SPATC1L: variants seen among roughly 807,000 people sequenced by gnomAD.
SPATC1L encodes spermatogenesis and centriole associated 1 like.
SPATC1L carries 20 observed loss-of-function variants against 21.2 expected under a neutral mutation model. The ratio of observed to expected loss-of-function variants is 0.94; its 90% CI spans 0.66 to 1.37. The LOEUF is 1.37. Among genes scored for constraint, SPATC1L ranks in the 40% most tolerant of loss-of-function variants. The pLI is 0.00. For synonymous variants in SPATC1L, 290 were observed against 234.5 expected (o/e 1.24, Z -2.16); for missense variants, 499 against 478.7 (o/e 1.04, Z -0.40).
Position 46,170,804 on chromosome 21 carries a change from T to C in SPATC1L, c.194-2146A>G, listed in dbSNP as rs2079582297. Among the ~76,000 whole-genome samples, 3 of 124,436 alleles carry C rather than the reference T, an allele frequency of 2.4e-5. 1 individual carries two copies. Among genetic ancestry groups the C allele is most frequent in the African/African-American group, 7.5e-5 (2 of 26,778 alleles). The allele number at this position is 124,436 out of a possible 152,430, so 81.6% of individuals were successfully genotyped here. On this transcript the variant is annotated intron_variant, in intron 2 of 4. Transcript: ENST00000291672. The stretch of plus-strand genomic sequence containing the variant: ...GTGGATGGGGAGGAGCCCTCTGCTC[T>C]CTGAACATCCTCTGTGGATGGGGAG...
intron 3 of SPATC1L, among the ~76,000 whole-genome samples, chr21:46,167,240 C>T (rs9981713): frequency 0.11 from 16,058 of 152,106 alleles, 1,488 homozygotes; most frequent in African/African-American, 0.25. Flanking sequence ...AATGGAAACA[C>T]AACACACCAA....
Position 46,168,292 on chromosome 21 carries a change from C to T in SPATC1L, c.544+16G>A. The T allele has an allele frequency of 1.3e-6, 2 of 1,538,592 alleles. No homozygotes were observed. The highest frequency in any genetic ancestry group is 1.8e-6 in the Non-Finnish European group (2 of 1,132,812). Reference sequence around the variant, plus strand: ...GCACTGGGGGCCCCCCCAGGTGCCCCCGCACCCGGCCATACCATTGAGGTA... The same window carrying T: ...GCACTGGGGGCCCCCCCAGGTGCCCTCGCACCCGGCCATACCATTGAGGTA... On this transcript the variant is annotated intron_variant, in intron 3 of 4. Coordinates refer to ENST00000291672, the MANE Select transcript of SPATC1L (RefSeq NM_001142854.2).
At chr21:46,171,435 A>G (rs2079589648) in intron 2 of SPATC1L, among the ~76,000 whole-genome samples, 1 of 152,000 alleles carries the variant, frequency 6.6e-6, no homozygotes, top group Non-Finnish European at 1.5e-5. Flanking sequence ...TCTCAAAAAA[A>G]AAAAAAAAAA....
chr21:46,179,944 G>A (rs1304020820), intron 2 of SPATC1L, among the ~76,000 whole-genome samples: 3 of 152,266 alleles, frequency 2.0e-5, no homozygotes, highest in South Asian at 2.1e-4. Flanking sequence ...CTCCTGTGAC[G>A]TGGGAACGAT....
rs1037699285 is a variant in SPATC1L at position 46,161,223 on chromosome 21, C to T, written c.*156G>A. The T allele has an allele frequency of 2.2e-5, 13 of 599,672 alleles. No homozygotes were observed. The highest frequency in any genetic ancestry group is 1.6e-4 in the Admixed American group (4 of 24,712). The allele number at this position is 599,672 out of a possible 1,614,324, so 37.1% of individuals were successfully genotyped here. On this transcript the variant is annotated 3_prime_UTR_variant, in exon 5 of 5. Transcript: ENST00000291672. ...CGCAGGTGCGGGCAGCGGCGGGCTG[C>T]GGTCGGGGCCCAGCACCGGTGGGAG...
rs1257096984 is a variant in SPATC1L, at chr21:46,168,370, A to T, written c.482T>A (p.Val161Glu). 1 of 1,606,412 alleles carries T rather than the reference A, an allele frequency of 6.2e-7. No homozygotes were observed. The highest frequency in any genetic ancestry group is 8.5e-7 in the Non-Finnish European group (1 of 1,174,370). ...EPREMVRPKK[V>E]CFSESSLPTG... is the part of the protein sequence containing the mutation. Reference sequence around the variant, plus strand: ...GGGCAGGCTGCTCTCCGAGAAACACACCTTCTTAGGCCGGACCATCTCCCT... The same window carrying T: ...GGGCAGGCTGCTCTCCGAGAAACACTCCTTCTTAGGCCGGACCATCTCCCT... The change falls in exon 3 of 5, where the codon GTG becomes GAG. Residue 161 changes from valine (V) to glutamate (E), a missense_variant. Val to Glu is a moderately radical substitution (Grantham distance 121). Coordinates refer to ENST00000291672, the MANE Select transcript of SPATC1L (RefSeq NM_001142854.2).
chr21:46,161,280 C>A lies in SPATC1L; in HGVS notation c.*99G>T, dbSNP rs1210830943. The A allele has an allele frequency of 1.7e-6, 2 of 1,201,760 alleles. No individual in the cohort carries two copies. The highest frequency in any genetic ancestry group is 5.7e-5 in the East Asian group (2 of 35,264). The allele number at this position is 1,201,760 out of a possible 1,614,324, so 74.4% of individuals were successfully genotyped here. On this transcript the variant is annotated 3_prime_UTR_variant, in exon 5 of 5. Coordinates refer to ENST00000291672, the MANE Select transcript of SPATC1L (RefSeq NM_001142854.2). The stretch of plus-strand genomic sequence containing the variant: ...CTTCTCTGGCCTCGCGCGCGGGGGA[C>A]GCGGCCCTTTCCCCTCCGGGGGGAC...
chr21:46,162,091 A>G (rs999103489), intron 3 of SPATC1L, 24 bp from the exon 4 acceptor site: 1 of 1,553,796 alleles, frequency 6.4e-7, no homozygotes, highest in Non-Finnish European at 8.7e-7. Context: ...GGCCGGGGAC[A>G]AGGTCAGGGG....
At position 46,182,770 on chromosome 21, in the gene SPATC1L, G is replaced by T. The variant is rs1053366967; in HGVS notation, c.47C>A (p.Ala16Glu). 1 of 1,547,094 alleles carries T rather than the reference G, an allele frequency of 6.5e-7. No individual in the cohort carries two copies. Among genetic ancestry groups the T allele is most frequent in the Non-Finnish European group, 8.7e-7 (1 of 1,145,916 alleles). The change falls in exon 2 of 5, where the codon GCG (alanine) becomes GAG (glutamate). Residue 16 changes from alanine to glutamate, a missense_variant. By Grantham distance (107) the Ala-to-Glu change is moderately radical. Coordinates refer to ENST00000291672, the MANE Select transcript of SPATC1L (RefSeq NM_001142854.2). ...GAGGCGCACCTGCTTCTTCAGGTCC[G>T]CGTTCTCGCTCAGGAGCCGGCTCAT... The part of the protein sequence containing the change: ...ELMSRLLSEN[A>E]DLKKQVRLLK...
intron 2 of SPATC1L, among the ~76,000 whole-genome samples, chr21:46,177,317 C>G (rs192473218): frequency 1.4e-4 from 21 of 152,244 alleles, no homozygotes; most frequent in African/African-American, 5.1e-4. Flanking sequence ...ACAGAGTAAA[C>G]AGCAAACCTA....
chr21:46,167,047 C>CA (rs1448845797), intron 3 of SPATC1L, among the ~76,000 whole-genome samples: 7 of 151,914 alleles, frequency 4.6e-5, no homozygotes, highest in Admixed American at 3.9e-4. Flanking sequence ...CTTTAAAAAT[C>CA]AAAAAAATTG....
chr21:46,163,263 T>C (rs2079516226), intron 3 of SPATC1L, among the ~76,000 whole-genome samples: 1 of 152,256 alleles, frequency 6.6e-6, no homozygotes, highest in Admixed American at 6.5e-5. Flanking sequence ...ACAAATGTTT[T>C]CTCCCATTCT....
chr21:46,168,151 C>A (rs982491926), intron 3 of SPATC1L, among the ~76,000 whole-genome samples, 157 bp downstream of exon 3: 1 of 152,178 alleles, frequency 6.6e-6, no homozygotes, highest in Admixed American at 6.5e-5. Context: ...CTAGGACAGA[C>A]ACAGCCTTGG....
In SPATC1L at chr21:46,161,532, G is replaced by C. The variant is rs779045549; in HGVS notation, c.870C>G (p.Asp290Glu). ...NTYGILKQRP[D>E]LRANPLHSSP... ...TGCTGTGCAGGGGGTTGGCGCGCAG[G>C]TCGGGCCGCTGCTTCAGGATTCCGT... Residue 290 changes from aspartate (D) to glutamate (E), a missense_variant, in exon 5 of 5, where the codon GAC becomes GAG. Coordinates refer to ENST00000291672, the MANE Select transcript of SPATC1L (RefSeq NM_001142854.2). The C allele has an allele frequency of 1.2e-6, 2 of 1,610,450 alleles. No individual in the cohort carries two copies. The highest frequency in any genetic ancestry group is 1.7e-5 in the Admixed American group (1 of 59,808).
In SPATC1L at chr21:46,175,764, TC is replaced by T. The variant is rs1427573009; in HGVS notation, c.193+6859del. Among the ~76,000 whole-genome samples the T allele has an allele frequency of 2.6e-5, 4 of 152,134 alleles. No individual in the cohort carries two copies. In the East Asian group the frequency reaches 7.7e-4, roughly 29 times the overall value. ...CTGGTACCATTCCTGGTGAAACTAT[TC>T]CAAAAAGTTGAGGAGGAGAGTCTCC... On this transcript the variant is annotated intron_variant, in intron 2 of 4. Coordinates refer to ENST00000291672, the MANE Select transcript of SPATC1L (RefSeq NM_001142854.2).
At chr21:46,167,157 A>T (rs928296191) in intron 3 of SPATC1L, among the ~76,000 whole-genome samples, 2 of 152,254 alleles carry the variant, frequency 1.3e-5, no homozygotes, top group Admixed American at 6.5e-5. Flanking sequence ...ATTAAACAAT[A>T]CGCTCCTGGA....
intron 3 of SPATC1L, among the ~76,000 whole-genome samples, chr21:46,163,706 G>A (rs908106601): frequency 1.2e-4 from 18 of 152,132 alleles, no homozygotes; most frequent in African/African-American, 4.1e-4. Context: ...TATGTCCATC[G>A]TTATGGCAGT....
chr21:46,168,595 AG>A lies in SPATC1L; in HGVS notation c.256del (p.Leu86TrpfsTer52). On this transcript the variant is annotated frameshift_variant, in exon 3 of 5. Transcript: ENST00000291672. LOFTEE classifies it high-confidence loss of function. ...DTPSQLQTSS[L>X]EDLLCSHAPL... ...GGCATGTGAGCACAGCAGGTCCTCC[AG>A]GGAGGATGTCTGCAGTTGGGAGGGC... 7.0e-7 allele frequency: 1 copy of A among 1,426,442 alleles called. No individual in the cohort carries two copies. Among genetic ancestry groups the A allele is most frequent in the Non-Finnish European group, 9.3e-7 (1 of 1,074,828 alleles). 88.4% of individuals were successfully genotyped at this position (1,426,442 alleles called of 1,614,324 possible).
chr21:46,179,482 G>GTGCT (rs1024269896), intron 2 of SPATC1L, among the ~76,000 whole-genome samples: 36 of 152,314 alleles, frequency 2.4e-4, no homozygotes, highest in African/African-American at 8.4e-4. Context: ...ACCTCAAGGG[G>GTGCT]AAGAAAAACT....
Sources: allele counts gnomAD v4.1 joint callset (sites outside exome capture counted in the v4.1 genomes callset), GRCh38; gene constraint gnomAD v4.1.1; transcripts MANE v1.5; gene names NCBI Gene and HGNC (gene_info 2026-07-23, HGNC 2026-07-21).